PIK3AP1: variants seen among roughly 807,000 people sequenced by gnomAD.
The protein encoded by PIK3AP1 is phosphoinositide-3-kinase adaptor protein 1.
In PIK3AP1, 21 loss-of-function variants were observed where a neutral mutation model predicts 88.1. The observed-to-expected ratio is 0.24, with a 90% CI of 0.17 to 0.34. PIK3AP1 has a LOEUF of 0.34. Among genes scored for constraint, PIK3AP1 ranks in the 10% least tolerant of loss-of-function variants. The probability of loss-of-function intolerance (pLI) is 1.00; values close to 1 mark genes in which losing one functional copy is unlikely to be tolerated. For missense variants in PIK3AP1, 828 were observed against 1,035.7 expected (o/e 0.80, Z 2.75); for synonymous variants, 398 against 400.0 (o/e 1.00, Z 0.06).
At chr10:96,620,305 C>T in intron 12 of PIK3AP1, 47 bp downstream of exon 12, 2 of 1,592,062 alleles carry the variant, frequency 1.3e-6, no homozygotes, top group Non-Finnish European at 1.7e-6. Flanking sequence ...CCTCTACTGT[C>T]AAGTGGGGAA....
intron 9 of PIK3AP1, 92 bp downstream of exon 9, chr10:96,628,306 T>G: frequency 1.8e-6 from 2 of 1,128,574 alleles, no homozygotes; most frequent in Non-Finnish European, 2.7e-6. Context: ...GCCCATTCCT[T>G]GAGGGGAGCA....
intron 10 of PIK3AP1, among the ~76,000 whole-genome samples, chr10:96,623,828 G>A (rs1843119929): frequency 6.6e-6 from 1 of 152,192 alleles, no homozygotes; most frequent in Non-Finnish European, 1.5e-5. Flanking sequence ...AGAACCTGAA[G>A]CTAGCCATGG....
chr10:96,641,609 T>C (rs370757086), intron 8 of PIK3AP1, among the ~76,000 whole-genome samples: 12 of 152,286 alleles, frequency 7.9e-5, no homozygotes, highest in African/African-American at 2.9e-4. Flanking sequence ...ATGCAGACCC[T>C]AGAAGGGCAG....
At chr10:96,693,639 T>C (rs1199208383) in intron 2 of PIK3AP1, among the ~76,000 whole-genome samples, 1 of 152,248 alleles carries the variant, frequency 6.6e-6, no homozygotes, top group Non-Finnish European at 1.5e-5. Context: ...TGTTGACTCA[T>C]GTCTTCAACT....
At chr10:96,602,420 A>C in intron 15 of PIK3AP1, 22 bp from the exon 16 acceptor site, 1 of 1,590,764 alleles carries the variant, frequency 6.3e-7, no homozygotes, top group Non-Finnish European at 8.6e-7. Context: ...AAGATGAGAA[A>C]GAAAGGCGAA....
chr10:96,634,413 G>A (rs994888239), intron 8 of PIK3AP1, among the ~76,000 whole-genome samples: 8 of 152,324 alleles, frequency 5.3e-5, no homozygotes, highest in Middle Eastern at 6.8e-3. Flanking sequence ...AGAGACCCAG[G>A]TGATGGCCAC....
At chr10:96,718,603 G>A (rs977110916) in intron 1 of PIK3AP1, among the ~76,000 whole-genome samples, 4 of 152,182 alleles carry the variant, frequency 2.6e-5, no homozygotes, top group African/African-American at 9.7e-5. Flanking sequence ...ATAGCCCCAG[G>A]TTTGCCCACC....
intron 2 of PIK3AP1, among the ~76,000 whole-genome samples, chr10:96,701,431 C>T (rs1844296973): frequency 6.6e-6 from 1 of 152,176 alleles, no homozygotes; most frequent in Admixed American, 6.5e-5. Context: ...TTAGTTTTCT[C>T]ATCTGCAAAA....
At chr10:96,596,482 A>G (rs1489648902) in intron 16 of PIK3AP1, among the ~76,000 whole-genome samples, 1 of 152,190 alleles carries the variant, frequency 6.6e-6, no homozygotes, top group African/African-American at 2.4e-5. Context: ...CCATACCTAC[A>G]TAATAATAAA....
chr10:96,616,812 C>T (rs768579936), intron 12 of PIK3AP1, 101 bp from the exon 13 acceptor site: 3 of 1,117,538 alleles, frequency 2.7e-6, no homozygotes, highest in Admixed American at 3.5e-5. Flanking sequence ...GGGTATATCA[C>T]ATTGCAGTCA....
At chr10:96,655,671 C>T (rs1843605427) in intron 3 of PIK3AP1, among the ~76,000 whole-genome samples, 1 of 152,132 alleles carries the variant, frequency 6.6e-6, no homozygotes, top group African/African-American at 2.4e-5. Flanking sequence ...CTTTCCTGTG[C>T]TGTTCTCATG....
intron 2 of PIK3AP1, among the ~76,000 whole-genome samples, chr10:96,679,722 A>C (rs1202926345): frequency 6.6e-6 from 1 of 152,158 alleles, no homozygotes; most frequent in Non-Finnish European, 1.5e-5. Context: ...GTGTTCAGCC[A>C]CAGCACCAAG....
chr10:96,636,239 AAAT>A (rs1260324012), intron 8 of PIK3AP1, among the ~76,000 whole-genome samples: 1 of 151,894 alleles, frequency 6.6e-6, no homozygotes, highest in Non-Finnish European at 1.5e-5. Flanking sequence ...TAAATAAATA[AAAT>A]AATACAAAAA....
rs1335077759 is a variant in PIK3AP1, at chr10:96,709,772, C to G, written c.225G>C (p.Leu75=). The change falls in exon 2 of 17, where the codon CTG becomes CTC. Residue 75 remains leucine (L), a synonymous_variant. Transcript: ENST00000339364. The part of the protein sequence containing the change: ...RCVVVLLSAE[L]VQHFHKPALL... ...AGGCGGGCTTGTGGAAGTGCTGCAC[C>G]AGCTCCGCGGACAGCAGCACCACGA... 1 of 1,613,764 alleles carries G rather than the reference C, an allele frequency of 6.2e-7. No individual in the cohort carries two copies. The highest frequency in any genetic ancestry group is 1.1e-5 in the South Asian group (1 of 91,012).
In PIK3AP1 at chr10:96,641,118, T is replaced by C. The variant is rs879462710; in HGVS notation, c.1375+4355A>G. 9.6e-3 allele frequency among the ~76,000 whole-genome samples: 1,146 copies of C among 119,270 alleles called. 7 individuals are homozygous for C. The highest frequency in any genetic ancestry group is 0.063 in the South Asian group (234 of 3,734). The allele number at this position is 119,270 out of a possible 152,430, so 78.2% of individuals were successfully genotyped here. On this transcript the variant is annotated intron_variant, in intron 8 of 16. Coordinates refer to ENST00000339364, the MANE Select transcript of PIK3AP1 (RefSeq NM_152309.3). ...GTGTGTGTGTGTGTGTGTGTGTGTG[T>C]GTGTGTGCGTGTGCATGTATACACC...
chr10:96,603,532 C>CCCATGCTGCATGCTTCCTG lies in PIK3AP1; in HGVS notation c.2241+428_2241+446dup, dbSNP rs1207265833. Among the ~76,000 whole-genome samples, 100 of 152,266 alleles carry CCCATGCTGCATGCTTCCTG rather than the reference C, an allele frequency of 6.6e-4. 1 individual carries two copies. The highest frequency in any genetic ancestry group is 2.3e-3 in the African/African-American group (94 of 41,526). ...TTAGCCTCCCAGCCTACATCTTTCTCCCATGCTGCATGCTTCCTGCCCTCA... is the reference window on the plus strand; with the variant it reads ...TTAGCCTCCCAGCCTACATCTTTCTCCCATGCTGCATGCTTCCTGCCATGCTGCATGCTTCCTGCCCTCA... On this transcript the variant is annotated intron_variant, in intron 15 of 16. Coordinates refer to ENST00000339364, the MANE Select transcript of PIK3AP1 (RefSeq NM_152309.3).
chr10:96,616,728 T>A lies in PIK3AP1; in HGVS notation c.1942-17A>T. On this transcript the variant is annotated splice_polypyrimidine_tract_variant and intron_variant, in intron 12 of 16. Coordinates refer to ENST00000339364, the MANE Select transcript of PIK3AP1 (RefSeq NM_152309.3). ...AAGATTTTCCTGGAAAAAAATTTGG[T>A]TTATTTTTTAAGTGTACAACAGGAT... is the stretch of plus-strand genomic sequence containing the variant. 1 of 1,612,564 alleles carries A rather than the reference T, an allele frequency of 6.2e-7. No individual in the cohort carries two copies. Among genetic ancestry groups the A allele is most frequent in the East Asian group, 2.2e-5 (1 of 44,886 alleles).
chr10:96,651,871 T>C (rs924623562), intron 4 of PIK3AP1, among the ~76,000 whole-genome samples: 1 of 152,086 alleles, frequency 6.6e-6, no homozygotes, highest in Admixed American at 6.6e-5. Context: ...CAATTTATCC[T>C]CATTGGGTTT....
At position 96,595,581 on chromosome 10, in the gene PIK3AP1, C is replaced by A; in HGVS notation, c.2414G>T (p.Arg805Leu). 2 of 1,613,284 alleles carry A rather than the reference C, an allele frequency of 1.2e-6. No individual in the cohort carries two copies. ...GGCAGGTTTTAGGAGGTGGAATCAG[C>A]GTCCTCTGGGTGGAACAGGTGGAGG... is the stretch of plus-strand genomic sequence containing the variant. ...HPPPPVPPRG[R>L] Residue 805 changes from arginine to leucine, a missense_variant, in exon 17 of 17, where the codon CGC becomes CTC. Coordinates refer to ENST00000339364, the MANE Select transcript of PIK3AP1 (RefSeq NM_152309.3).
Sources: allele counts gnomAD v4.1 joint callset (sites outside exome capture counted in the v4.1 genomes callset), GRCh38; gene constraint gnomAD v4.1.1; transcripts MANE v1.5; gene names NCBI Gene and HGNC (gene_info 2026-07-23, HGNC 2026-07-21).